The following MINDY4 variants were observed in gnomAD, a reference collection of about 807,000 sequenced individuals.
The protein encoded by MINDY4 is MINDY lysine 48 deubiquitinase 4, also known as probable ubiquitin carboxyl-terminal hydrolase MINDY-4.
A neutral mutation model predicts 87.0 loss-of-function variants in MINDY4; 68 were observed. The observed-to-expected ratio is 0.78, with a 90% CI of 0.64 to 0.96. The LOEUF (loss-of-function observed/expected upper bound fraction) is 0.96, where lower values mean the gene tolerates loss of function less well. MINDY4 is among the 40% of genes least tolerant of loss of function. The pLI is 0.00. For missense variants in MINDY4, 919 were observed against 928.2 expected (o/e 0.99, Z 0.13); for synonymous variants, 379 against 363.2 (o/e 1.04, Z -0.50).
intron 10 of MINDY4, 117 bp from the exon 11 acceptor site, chr7:30,852,099 C>A (rs1317220805): frequency 4.2e-6 from 5 of 1,179,872 alleles, no homozygotes; most frequent in Non-Finnish European, 6.0e-6. Context: ...GCTCCATTTT[C>A]TCTCTGGAGC....
intron 13 of MINDY4, among the ~76,000 whole-genome samples, chr7:30,860,969 A>G (rs1789742554): frequency 6.6e-6 from 1 of 152,172 alleles, no homozygotes; most frequent in Admixed American, 6.5e-5. Context: ...GGATACACAC[A>G]GATATACAGA....
chr7:30,843,697 AGGG>A (rs1789112605), intron 9 of MINDY4, among the ~76,000 whole-genome samples: 1 of 149,526 alleles, frequency 6.7e-6, no homozygotes, highest in South Asian at 2.1e-4. Context: ...TGGGATCCCA[AGGG>A]GGTGTCTGGG....
intron 4 of MINDY4, among the ~76,000 whole-genome samples, chr7:30,787,086 C>G (rs1158358904): frequency 6.6e-6 from 1 of 152,222 alleles, no homozygotes; most frequent in Non-Finnish European, 1.5e-5. Flanking sequence ...TGAGTCCTCT[C>G]CCTGCCCCTG....
chr7:30,868,949 C>G (rs1020656522), intron 13 of MINDY4, among the ~76,000 whole-genome samples: 1 of 152,228 alleles, frequency 6.6e-6, no homozygotes, highest in Non-Finnish European at 1.5e-5. Flanking sequence ...AGGGCCAAGC[C>G]TATTCTGTGA....
intron 13 of MINDY4, among the ~76,000 whole-genome samples, chr7:30,871,631 G>A (rs1790108686): frequency 6.6e-6 from 1 of 152,214 alleles, no homozygotes; most frequent in South Asian, 2.1e-4. Flanking sequence ...CATTCTGAGG[G>A]TGGAACCACA....
intron 5 of MINDY4, among the ~76,000 whole-genome samples, chr7:30,813,355 C>G (rs975084218): frequency 6.6e-6 from 1 of 152,214 alleles, no homozygotes; most frequent in Non-Finnish European, 1.5e-5. Context: ...TCCCCAGGTC[C>G]TGAATTCTGT....
intron 5 of MINDY4, chr7:30,796,981 G>A (rs1787509234): frequency 6.6e-6 from 1 of 152,002 alleles, no homozygotes; most frequent in Non-Finnish European, 1.5e-5. Context: ...GCAAGGACCA[G>A]CAGTATGTTA....
chr7:30,856,673 C>G (rs1248016521), intron 12 of MINDY4, among the ~76,000 whole-genome samples: 1 of 151,970 alleles, frequency 6.6e-6, no homozygotes, highest in Non-Finnish European at 1.5e-5. Context: ...GGCAAGAGTT[C>G]TAGAAGGAGA....
chr7:30,866,132 G>T (rs1789927068), intron 13 of MINDY4, among the ~76,000 whole-genome samples: 1 of 152,208 alleles, frequency 6.6e-6, no homozygotes, highest in South Asian at 2.1e-4. Flanking sequence ...GGTGGGAGGG[G>T]TCCACCTGGT....
intron 5 of MINDY4, among the ~76,000 whole-genome samples, chr7:30,807,811 G>A (rs1787858142): frequency 6.6e-6 from 1 of 152,208 alleles, no homozygotes; most frequent in Admixed American, 6.5e-5. Context: ...TGCTTGCTCA[G>A]TTGATCACGA....
At chr7:30,878,606 T>C (rs1307045484) in intron 15 of MINDY4, among the ~76,000 whole-genome samples, 3 of 152,110 alleles carry the variant, frequency 2.0e-5, no homozygotes, top group Admixed American at 6.5e-5. Flanking sequence ...TCCAGGCTGA[T>C]GGTCATGGTG....
Position 30,875,527 on chromosome 7 carries a change from T to A in MINDY4, c.1842T>A (p.Ala614=), listed in dbSNP as rs1562563426. 1 of 1,614,276 alleles carries A rather than the reference T, an allele frequency of 6.2e-7. No homozygotes were observed. Among genetic ancestry groups the A allele is most frequent in the Non-Finnish European group, 8.5e-7 (1 of 1,180,042 alleles). The stretch of plus-strand genomic sequence containing the variant: ...TCAATCTGCTCCTGACTGGGAAAGC[T>A]GTGTCCAACGTTTTCAACGATGTGG... ...ELVNLLLTGK[A]VSNVFNDVVE... is the part of the protein sequence containing the mutation. The change falls in exon 15 of 18, where the codon GCT becomes GCA. Residue 614 remains alanine, a synonymous_variant. Coordinates refer to ENST00000265299, the MANE Select transcript of MINDY4 (RefSeq NM_032222.3).
intron 15 of MINDY4, among the ~76,000 whole-genome samples, chr7:30,877,716 C>G (rs900326326): frequency 2.1e-5 from 3 of 145,492 alleles, no homozygotes; most frequent in Non-Finnish European, 4.5e-5. Flanking sequence ...AGGTCTCACT[C>G]TGTCACCCAT....
intron 13 of MINDY4, among the ~76,000 whole-genome samples, chr7:30,860,426 G>A (rs951632180): frequency 6.6e-6 from 1 of 152,176 alleles, no homozygotes; most frequent in Admixed American, 6.5e-5. Context: ...CTGCCATAAT[G>A]ATATGATTCA....
At chr7:30,888,665 G>A (rs1308241097) in intron 17 of MINDY4, among the ~76,000 whole-genome samples, 5 of 152,216 alleles carry the variant, frequency 3.3e-5, no homozygotes, top group African/African-American at 4.8e-5. Context: ...GATTCGATTC[G>A]TCCCCTACAC....
At chr7:30,812,637 C>T (rs182655985) in intron 5 of MINDY4, among the ~76,000 whole-genome samples, 4 of 152,288 alleles carry the variant, frequency 2.6e-5, no homozygotes, top group Middle Eastern at 3.4e-3. Flanking sequence ...CAAGCTCTTG[C>T]ACTCCAAGGA....
At chr7:30,847,111 A>G (rs1475040547) in intron 9 of MINDY4, among the ~76,000 whole-genome samples, 1 of 152,222 alleles carries the variant, frequency 6.6e-6, no homozygotes, top group Non-Finnish European at 1.5e-5. Context: ...GCAGGGAAAC[A>G]AAGGCCAGGG....
intron 6 of MINDY4, among the ~76,000 whole-genome samples, chr7:30,833,532 A>G (rs1196412111): frequency 1.3e-5 from 2 of 152,234 alleles, no homozygotes; most frequent in Non-Finnish European, 2.9e-5. Flanking sequence ...GGGTGGGGAC[A>G]CAGAGCCAAG....
In MINDY4 at chr7:30,836,756, G is replaced by A; in HGVS notation, c.1231G>A (p.Val411Ile). The change falls in exon 7 of 18, where the codon GTA becomes ATA. Residue 411 changes from valine to isoleucine, a missense_variant. Val to Ile is a conservative substitution (Grantham distance 29, BLOSUM62 3). Transcript: ENST00000265299. ...AGCATCAAAACCAATTGACCTCTCAGTAGCAAAGGTAAGTGTAAGGAGACT... is the reference window on the plus strand; with the variant it reads ...AGCATCAAAACCAATTGACCTCTCAATAGCAAAGGTAAGTGTAAGGAGACT... Reference protein sequence around the residue: ...QTASKPIDLSVAKEIKTLLFG... With the variant: ...QTASKPIDLSIAKEIKTLLFG... 1 of 1,613,526 alleles carries A rather than the reference G, an allele frequency of 6.2e-7. No homozygotes were observed. The highest frequency in any genetic ancestry group is 8.5e-7 in the Non-Finnish European group (1 of 1,179,444).
Sources: allele counts gnomAD v4.1 joint callset (sites outside exome capture counted in the v4.1 genomes callset), GRCh38; gene constraint gnomAD v4.1.1; transcripts MANE v1.5; gene names NCBI Gene and HGNC (gene_info 2026-07-23, HGNC 2026-07-21).